Variants in ORAI2 observed in about 807,000 individuals in gnomAD.
The protein encoded by ORAI2 is ORAI calcium release-activated calcium modulator 2.
Under a neutral mutation model 16.2 loss-of-function variants are expected in ORAI2, and 10 were observed. The ratio of observed to expected loss-of-function variants is 0.62; its 90% CI spans 0.38 to 1.04. ORAI2 has a LOEUF of 1.04. Ranked by LOEUF, ORAI2 falls within the 50% of genes least tolerant of loss-of-function variation. ORAI2 has a pLI of 0.01. For missense variants in ORAI2, 238 were observed against 355.5 expected (o/e 0.67, Z 2.66); for synonymous variants, 150 against 157.5 (o/e 0.95, Z 0.35).
Position 102,436,306 on chromosome 7 carries a change from C to T in ORAI2, c.-41C>T, listed in dbSNP as rs1215387495. ...TGCGCAAGGAGATGGGATGGAGAGC[C>T]TGAGTTGGCATTCGTATAAATGACC... is the stretch of plus-strand genomic sequence containing the variant. On this transcript the variant is annotated 5_prime_UTR_variant, in exon 2 of 4. Transcript: ENST00000495936. 1 of 985,562 alleles carries T rather than the reference C, an allele frequency of 1.0e-6. No individual in the cohort carries two copies. Among genetic ancestry groups the T allele is most frequent in the African/African-American group, 1.7e-5 (1 of 57,318 alleles). 61.1% of individuals were successfully genotyped at this position (985,562 alleles called of 1,614,324 possible). A position where few individuals can be genotyped will look rare whatever the true frequency, so the allele number is the denominator to read the frequency against.
rs1232753307 is a variant in ORAI2, at chr7:102,448,723, A to T, written c.*1671A>T. ...CAGAGCCAGACTCCATCTCAAAAAA[A>T]AAAAAAAAATTAGCCGGGCGTGATG... On this transcript the variant is annotated 3_prime_UTR_variant, in exon 4 of 4. Coordinates refer to ENST00000495936, the MANE Select transcript of ORAI2 (RefSeq NM_001126340.3). 4 of 151,720 alleles carry T rather than the reference A, an allele frequency of 2.6e-5. No homozygotes were observed. The highest frequency in any genetic ancestry group is 5.9e-5 in the Non-Finnish European group (4 of 67,982). The allele number at this position is 151,720 out of a possible 1,614,324, so 9.4% of individuals were successfully genotyped here.
Position 102,447,263 on chromosome 7 carries a change from G to T in ORAI2, c.*211G>T. On this transcript the variant is annotated 3_prime_UTR_variant, in exon 4 of 4. Coordinates refer to ENST00000495936, the MANE Select transcript of ORAI2 (RefSeq NM_001126340.3). Reference sequence around the variant, plus strand: ...TGTTGCTAAGAGCGTTGGGGGCAAAGCCAGGCTGGTTCCTTGGCCTCGGGG... The same window carrying T: ...TGTTGCTAAGAGCGTTGGGGGCAAATCCAGGCTGGTTCCTTGGCCTCGGGG... 1.6e-6 allele frequency: 1 copy of T among 621,854 alleles called. No individual in the cohort carries two copies. The highest frequency in any genetic ancestry group is 3.4e-5 in the Admixed American group (1 of 29,694). The allele number at this position is 621,854 out of a possible 1,614,324, so 38.5% of individuals were successfully genotyped here. A position where few individuals can be genotyped will look rare whatever the true frequency, so the allele number is the denominator to read the frequency against.
In ORAI2 at chr7:102,453,830, G is replaced by A. The variant is rs1797585238; in HGVS notation, c.*6778G>A. On this transcript the variant is annotated 3_prime_UTR_variant, in exon 4 of 4. Transcript: ENST00000495936. Reference sequence around the variant, plus strand: ...TGTAACCTCCGCCTCCCGGGCTCAAGTGATTCTCCTGCCTCAGCCTCCTGA... The same window carrying A: ...TGTAACCTCCGCCTCCCGGGCTCAAATGATTCTCCTGCCTCAGCCTCCTGA... 1 of 152,306 alleles carries A rather than the reference G, an allele frequency of 6.6e-6. No individual in the cohort carries two copies. The allele number at this position is 152,306 out of a possible 1,614,324, so 9.4% of individuals were successfully genotyped here. A position where few individuals can be genotyped will look rare whatever the true frequency, so the allele number is the denominator to read the frequency against.
In ORAI2 at chr7:102,449,073, G is replaced by T. The variant is rs1586719672; in HGVS notation, c.*2021G>T. 6.6e-6 allele frequency: 1 copy of T among 152,134 alleles called. No individual in the cohort carries two copies. The highest frequency in any genetic ancestry group is 1.5e-5 in the Non-Finnish European group (1 of 68,036). 9.4% of individuals were successfully genotyped at this position (152,134 alleles called of 1,614,324 possible). A position where few individuals can be genotyped will look rare whatever the true frequency, so the allele number is the denominator to read the frequency against. ...TTTTCCGTGCTGAGGGGCCCTAGGGGAGTCACACCAAGGGTCCCCACGAGA... is the reference window on the plus strand; with the variant it reads ...TTTTCCGTGCTGAGGGGCCCTAGGGTAGTCACACCAAGGGTCCCCACGAGA... On this transcript the variant is annotated 3_prime_UTR_variant, in exon 4 of 4. Coordinates refer to ENST00000495936, the MANE Select transcript of ORAI2 (RefSeq NM_001126340.3).
chr7:102,436,403 T>C, intron 2 of ORAI2, 70 bp downstream of exon 2: 1 of 928,034 alleles, frequency 1.1e-6, no homozygotes. Context: ...GGGAAGGCTG[T>C]GGCTTTGTAG....
At position 102,438,949 on chromosome 7, in the gene ORAI2, C is replaced by T. The variant is rs1339076829; in HGVS notation, c.-8C>T. Reference sequence around the variant, plus strand: ...TGTCTCTCTCCCACCCTTAGCCTGGCTCCCACCATGAGTGCTGAGCTTAAC... The same window carrying T: ...TGTCTCTCTCCCACCCTTAGCCTGGTTCCCACCATGAGTGCTGAGCTTAAC... On this transcript the variant is annotated 5_prime_UTR_variant, in exon 3 of 4. Coordinates refer to ENST00000495936, the MANE Select transcript of ORAI2 (RefSeq NM_001126340.3). The T allele has an allele frequency of 2.5e-6, 4 of 1,613,802 alleles. No homozygotes were observed. Among genetic ancestry groups the T allele is most frequent in the Non-Finnish European group, 3.4e-6 (4 of 1,179,922 alleles).
intron 3 of ORAI2, among the ~76,000 whole-genome samples, chr7:102,445,685 G>A (rs929812729): frequency 6.6e-6 from 1 of 150,910 alleles, no homozygotes; most frequent in East Asian, 2.0e-4. Context: ...GTGCAATCGG[G>A]GCTCCCAGCA....
chr7:102,436,438 C>A, intron 2 of ORAI2, 105 bp downstream of exon 2: 2 of 710,370 alleles, frequency 2.8e-6, no homozygotes, highest in Non-Finnish European at 3.5e-6. Flanking sequence ...AAGGGAAAGG[C>A]GACACTGTTT....
intron 2 of ORAI2, among the ~76,000 whole-genome samples, chr7:102,437,196 A>G: frequency 6.6e-6 from 1 of 152,178 alleles, no homozygotes; most frequent in East Asian, 1.9e-4. Context: ...GTTTCTCCTT[A>G]AAATGTGGTC....
At chr7:102,435,883 C>T (rs1453559236) in intron 1 of ORAI2, among the ~76,000 whole-genome samples, 2 of 152,160 alleles carry the variant, frequency 1.3e-5, no homozygotes, top group African/African-American at 4.8e-5. Context: ...GATCCGCCCA[C>T]CTCAGCCTCC....
At chr7:102,437,508 G>C (rs1259715930) in intron 2 of ORAI2, among the ~76,000 whole-genome samples, 1 of 152,138 alleles carries the variant, frequency 6.6e-6, no homozygotes, top group Non-Finnish European at 1.5e-5. Context: ...CCAGCTACTC[G>C]GGAGGCTGAG....
intron 3 of ORAI2, among the ~76,000 whole-genome samples, chr7:102,445,676 T>A (rs1476170543): frequency 6.6e-6 from 1 of 151,742 alleles, no homozygotes; most frequent in African/African-American, 2.4e-5. Flanking sequence ...AGTGCAGTGG[T>A]GCAATCGGGG....
chr7:102,446,540 A>T lies in ORAI2; in HGVS notation c.253A>T (p.Thr85Ser), dbSNP rs1257480734. ...GGCCATGGTGGAGGTGCAGCTGGAG[A>T]CGCAGTACCAGTACCCGCGGCCGCT... The part of the protein sequence containing the change: ...MVAMVEVQLE[T>S]QYQYPRPLLI... Residue 85 changes from threonine to serine, a missense_variant, in exon 4 of 4, where the codon ACG becomes TCG. Thr to Ser is a moderately conservative substitution (Grantham distance 58, BLOSUM62 1). Transcript: ENST00000495936. The T allele has an allele frequency of 1.2e-6, 2 of 1,610,708 alleles. No homozygotes were observed. The highest frequency in any genetic ancestry group is 3.3e-5 in the Admixed American group (2 of 59,926).
chr7:102,443,369 T>G (rs372904832), intron 3 of ORAI2, among the ~76,000 whole-genome samples: 65 of 150,290 alleles, frequency 4.3e-4, no homozygotes, highest in African/African-American at 1.5e-3. Context: ...AACTCCACCT[T>G]CCGGGTTCAC....
intron 3 of ORAI2, among the ~76,000 whole-genome samples, chr7:102,441,973 C>T (rs1052756032): frequency 8.5e-5 from 13 of 152,094 alleles, no homozygotes; most frequent in Non-Finnish European, 1.5e-4. Context: ...GGGTAGAGTT[C>T]GCCCTTTATA....
chr7:102,442,142 G>A (rs565938913), intron 3 of ORAI2, among the ~76,000 whole-genome samples: 1 of 152,294 alleles, frequency 6.6e-6, no homozygotes, highest in South Asian at 2.1e-4. Flanking sequence ...TAGGCCAGGC[G>A]GGGTGGCTCA....
At position 102,447,390 on chromosome 7, in the gene ORAI2, T is replaced by A; in HGVS notation, c.*338T>A. The A allele has an allele frequency of 3.6e-6, 1 of 278,124 alleles. No homozygotes were observed. Among genetic ancestry groups the A allele is most frequent in the African/African-American group, 2.2e-5 (1 of 45,478 alleles). 17.2% of individuals were successfully genotyped at this position (278,124 alleles called of 1,614,324 possible). On this transcript the variant is annotated 3_prime_UTR_variant, in exon 4 of 4. Transcript: ENST00000495936. ...CAGCACCCAGCGGTCCGGGGGAGTC[T>A]CAGACCCGGCATGCGTGGCTGGCAG... is the stretch of plus-strand genomic sequence containing the variant.
Position 102,454,269 on chromosome 7 carries a change from C to T in ORAI2, c.*7217C>T, listed in dbSNP as rs1037666675. 1.3e-5 allele frequency: 2 copies of T among 152,306 alleles called. No individual in the cohort carries two copies. Among genetic ancestry groups the T allele is most frequent in the Non-Finnish European group, 2.9e-5 (2 of 68,086 alleles). 9.4% of individuals were successfully genotyped at this position (152,306 alleles called of 1,614,324 possible). A position where few individuals can be genotyped will look rare whatever the true frequency, so the allele number is the denominator to read the frequency against. The stretch of plus-strand genomic sequence containing the variant: ...ATTACCCGGGCTTGGTGGCTCGTGC[C>T]TATAGTCCCAGCTACTGGGGAGGCT... On this transcript the variant is annotated 3_prime_UTR_variant, in exon 4 of 4. Transcript: ENST00000495936.
chr7:102,437,417 C>A (rs968097617), intron 2 of ORAI2, among the ~76,000 whole-genome samples: 1 of 152,062 alleles, frequency 6.6e-6, no homozygotes, highest in African/African-American at 2.4e-5. Flanking sequence ...GAGTTCAAGA[C>A]CAGGCTGGCC....
Sources: gnomAD v4.1 joint callset for allele counts (sites outside exome capture counted in the v4.1 genomes callset) on GRCh38, gnomAD v4.1.1 for gene constraint, MANE v1.5 for transcripts, NCBI Gene and HGNC (gene_info 2026-07-23, HGNC 2026-07-21) for gene names.